Variants in SPEG observed in about 807,000 individuals in gnomAD.
SPEG encodes the protein striated muscle enriched protein kinase.
A neutral mutation model predicts 300.4 loss-of-function variants in SPEG; 114 were observed. That is an observed-to-expected ratio of 0.38 (90% CI 0.33 to 0.44). SPEG has a LOEUF of 0.44. Ranked by LOEUF, SPEG falls within the 20% of genes least tolerant of loss-of-function variation. The pLI is 1.00. For synonymous variants in SPEG, 1,964 were observed against 2,018.9 expected, an observed-to-expected ratio of 0.97 and a Z score of 0.73; for missense variants, 4,201 against 4,586.2, an observed-to-expected ratio of 0.92 and a Z score of 2.43.
chr2:219,442,915 C>A (rs1689032656), intron 1 of SPEG, among the ~76,000 whole-genome samples: 1 of 152,102 alleles, frequency 6.6e-6, no homozygotes, highest in African/African-American at 2.4e-5. Flanking sequence ...CAGCTGGGTA[C>A]CCTGGAAGAA....
chr2:219,479,864 A>T lies in SPEG; in HGVS notation c.5163+4A>T. ...CGTGCTGCACCTCGATGTCAAGGTGAGGTGGGGACTGGAGAGCAGACAGCC... is the reference window on the plus strand; with the variant it reads ...CGTGCTGCACCTCGATGTCAAGGTGTGGTGGGGACTGGAGAGCAGACAGCC... On this transcript the variant is annotated splice_donor_region_variant and intron_variant, in intron 24 of 40. Coordinates refer to ENST00000312358, the MANE Select transcript of SPEG (RefSeq NM_005876.5). This position sits in a 1 kb window ranked among gnomAD's most constrained non-coding sequence, Gnocchi z 5.5. 1 of 1,614,002 alleles carries T rather than the reference A, an allele frequency of 6.2e-7. No individual in the cohort carries two copies. The highest frequency in any genetic ancestry group is 8.5e-7 in the Non-Finnish European group (1 of 1,179,950).
Position 219,444,911 on chromosome 2 carries a change from G to A in SPEG, c.565G>A (p.Gly189Ser). Residue 189 changes from glycine to serine, a missense_variant, in exon 3 of 41, where the codon GGC becomes AGC. By Grantham distance (56) the Gly-to-Ser change is moderately conservative. Transcript: ENST00000312358. This position sits in a 1 kb window ranked among gnomAD's most constrained non-coding sequence, Gnocchi z 7.8. ...GTSEEQVSWW[G>S]SGQTVLEQEA... ...CTCAGAGGAGCAAGTGAGCTGGTGG[G>A]GCAGCGGGCAGACGGTCCTGGAGCA... The A allele has an allele frequency of 6.3e-7, 1 of 1,575,568 alleles. No individual in the cohort carries two copies. The highest frequency in any genetic ancestry group is 8.6e-7 in the Non-Finnish European group (1 of 1,160,934).
At chr2:219,474,127 C>T in intron 18 of SPEG, 2 of 478,122 alleles carry the variant, frequency 4.2e-6, no homozygotes, top group Non-Finnish European at 7.3e-6. Flanking sequence ...CCTGTAATCT[C>T]AGCACTTTGG....
chr2:219,476,860 T>C lies in SPEG; in HGVS notation c.4448-10T>C. 6.2e-7 allele frequency: 1 copy of C among 1,607,408 alleles called. No homozygotes were observed. The highest frequency in any genetic ancestry group is 8.5e-7 in the Non-Finnish European group (1 of 1,174,364). On this transcript the variant is annotated splice_polypyrimidine_tract_variant and intron_variant, in intron 18 of 40. Coordinates refer to ENST00000312358, the MANE Select transcript of SPEG (RefSeq NM_005876.5). ...CCTTCTCTTCCCACCCCTATCCCCA[T>C]GTGTTTCAGAGGCCCCTCGGTTTGA...
intron 9 of SPEG, chr2:219,466,106 C>T (rs750329793): frequency 9.4e-6 from 15 of 1,591,670 alleles, no homozygotes; most frequent in African/African-American, 8.0e-5. Context: ...CCCTCCGAGC[C>T]GCGCCCCTGT....
chr2:219,435,406 G>A (rs1048202838), intron 1 of SPEG, 41 bp downstream of exon 1: 39 of 1,503,966 alleles, frequency 2.6e-5, no homozygotes, highest in Non-Finnish European at 3.4e-5. Context: ...GGGGCGGGGT[G>A]CTCAGAGGTA....
In SPEG at chr2:219,491,901, C is replaced by T. The variant is rs372196931; in HGVS notation, c.9461+32C>T. 3.2e-5 allele frequency: 49 copies of T among 1,555,448 alleles called. 1 individual carries two copies. Among genetic ancestry groups the T allele is most frequent in the African/African-American group, 3.1e-4 (23 of 74,010 alleles). On this transcript the variant is annotated intron_variant, in intron 39 of 40. Transcript: ENST00000312358. ...GTCCCCTACCCCACCGCAGCCCTCT[C>T]TGCCCATACAGTGAGCTCCCGGACT...
At chr2:219,474,101 G>A in intron 18 of SPEG, 198 bp downstream of exon 18, 1 of 597,934 alleles carries the variant, frequency 1.7e-6, no homozygotes. Context: ...TTATTGGCCA[G>A]ACGCGGTGGC....
rs1490593583 is a variant in SPEG at position 219,468,480 on chromosome 2, G to C, written c.3143-98G>C. ...AGAGCCTTTGCTGGGCTCTGCCCAGGCTCCAGCTTCCTGCTCAGCCTTAGG... is the reference window on the plus strand; with the variant it reads ...AGAGCCTTTGCTGGGCTCTGCCCAGCCTCCAGCTTCCTGCTCAGCCTTAGG... On this transcript the variant is annotated intron_variant, in intron 10 of 40. Coordinates refer to ENST00000312358, the MANE Select transcript of SPEG (RefSeq NM_005876.5). The C allele has an allele frequency of 7.9e-6, 11 of 1,390,960 alleles. 1 individual carries two copies. Among genetic ancestry groups the C allele is most frequent in the South Asian group, 6.7e-5 (5 of 74,624 alleles). 86.2% of individuals were successfully genotyped at this position (1,390,960 alleles called of 1,614,324 possible).
intron 4 of SPEG, chr2:219,450,899 G>A (rs1243466512): frequency 7.0e-6 from 3 of 427,554 alleles, no homozygotes; most frequent in South Asian, 4.8e-5. Flanking sequence ...GTTGAGGAAC[G>A]GCCACACTAA....
intron 6 of SPEG, among the ~76,000 whole-genome samples, chr2:219,452,549 A>G (rs1449405452): frequency 6.6e-6 from 1 of 151,974 alleles, no homozygotes; most frequent in Non-Finnish European, 1.5e-5. Flanking sequence ...GTATTACAGA[A>G]GGAAAACACA....
At chr2:219,471,704 A>G (rs1691887580) in intron 13 of SPEG, 164 bp from the exon 14 acceptor site, 3 of 799,226 alleles carry the variant, frequency 3.8e-6, no homozygotes, top group African/African-American at 3.4e-5. Context: ...TTGCTGCACC[A>G]TGGATGCACT....
chr2:219,459,974 C>T lies in SPEG; in HGVS notation c.2441-1908C>T, dbSNP rs1690514210. Among the ~76,000 whole-genome samples the T allele has an allele frequency of 6.6e-6, 1 of 152,232 alleles. No individual in the cohort carries two copies. Among genetic ancestry groups the T allele is most frequent in the Non-Finnish European group, 1.5e-5 (1 of 68,044 alleles). ...GGAAGAGGGAGAAGGACATGTGACC[C>T]CTGCTCAACAGCCCCCTTCTCTCAG... is the stretch of plus-strand genomic sequence containing the variant. On this transcript the variant is annotated intron_variant, in intron 6 of 40. Transcript: ENST00000312358. The surrounding 1 kb of genome is among the most constrained non-coding windows in gnomAD (Gnocchi z 4.9).
rs1451021293 is a variant in SPEG at position 219,439,091 on chromosome 2, C to T, written c.388+3726C>T. 6.6e-6 allele frequency among the ~76,000 whole-genome samples: 1 copy of T among 152,066 alleles called. No individual in the cohort carries two copies. Among genetic ancestry groups the T allele is most frequent in the African/African-American group, 2.4e-5 (1 of 41,376 alleles). On this transcript the variant is annotated intron_variant, in intron 1 of 40. Transcript: ENST00000312358. The surrounding 1 kb of genome is among the most constrained non-coding windows in gnomAD (Gnocchi z 4.5). ...GCAGAGAGGAGCTCTGGGACCCTCT[C>T]CAGGGGAATCCTGAGTGGAATGAGA... is the stretch of plus-strand genomic sequence containing the variant.
Position 219,461,939 on chromosome 2 carries a change from C to T in SPEG, c.2498C>T (p.Pro833Leu). 2 of 1,613,984 alleles carry T rather than the reference C, an allele frequency of 1.2e-6. No homozygotes were observed. Among genetic ancestry groups the T allele is most frequent in the East Asian group, 2.2e-5 (1 of 44,870 alleles). Reference sequence around the variant, plus strand: ...ACCTCCGACGAGGAATACCTGAGCCCCCCAGAGGAGTTCCCAGAGCCTGGG... The same window carrying T: ...ACCTCCGACGAGGAATACCTGAGCCTCCCAGAGGAGTTCCCAGAGCCTGGG... ...PITSDEEYLS[P>L]PEEFPEPGET... The change falls in exon 7 of 41, where the codon CCC (proline) becomes CTC (leucine). Residue 833 changes from proline to leucine, a missense_variant. Transcript: ENST00000312358.
At position 219,468,859 on chromosome 2, in the gene SPEG, G is replaced by C; in HGVS notation, c.3302G>C (p.Gly1101Ala). 6.2e-7 allele frequency: 1 copy of C among 1,610,978 alleles called. No homozygotes were observed. The highest frequency in any genetic ancestry group is 2.2e-5 in the East Asian group (1 of 44,818). Residue 1101 changes from glycine (G) to alanine (A), a missense_variant and splice_region_variant, in exon 12 of 41, where the codon GGC becomes GCC. Physicochemically the swap from Gly to Ala is moderately conservative, Grantham distance 60 (BLOSUM62 0). Transcript: ENST00000312358. ...PPPVVTWTHF[G>A]CPMEESENLR... ...GCATTCCCACCCCTCCTTTCTGCAG[G>C]CTGCCCCATGGAGGAGAGTGAGAAC...
At chr2:219,491,680 C>G in intron 38 of SPEG, 114 bp from the exon 39 acceptor site, 1 of 815,000 alleles carries the variant, frequency 1.2e-6, no homozygotes, top group Non-Finnish European at 2.0e-6. Flanking sequence ...CTGGACATTC[C>G]CATGGTCTGG....
intron 32 of SPEG, 88 bp from the exon 33 acceptor site, chr2:219,488,409 AG>A: frequency 1.4e-6 from 2 of 1,390,918 alleles, no homozygotes; most frequent in East Asian, 2.3e-5. Flanking sequence ...GAGCACGGTT[AG>A]GGGGGATGCT....
In SPEG at chr2:219,477,223, CCCA is replaced by C. The variant is rs1692431205; in HGVS notation, c.4561-53_4561-51del. On this transcript the variant is annotated intron_variant, in intron 19 of 40. Coordinates refer to ENST00000312358, the MANE Select transcript of SPEG (RefSeq NM_005876.5). This position sits in a 1 kb window ranked among gnomAD's most constrained non-coding sequence, Gnocchi z 6.4. Reference sequence around the variant, plus strand: ...CCAGAGTAGGAGATGAGGCCCTGGCCCCAAGGTAGAGATGAGGCCAGGCCCAGG... The same window carrying C: ...CCAGAGTAGGAGATGAGGCCCTGGCCAGGTAGAGATGAGGCCAGGCCCAGG... 2.5e-5 allele frequency: 39 copies of C among 1,556,924 alleles called. No homozygotes were observed. Among genetic ancestry groups the C allele is most frequent in the Admixed American group, 3.7e-5 (2 of 54,682 alleles).
Sources: gnomAD v4.1 joint callset for allele counts (sites outside exome capture counted in the v4.1 genomes callset) on GRCh38, gnomAD v4.1.1 for gene constraint, Gnocchi (gnomAD v3.1) non-coding constraint, MANE v1.5 for transcripts, NCBI Gene and HGNC (gene_info 2026-07-23, HGNC 2026-07-21) for gene names.